DKK3: variants seen among roughly 807,000 people sequenced by gnomAD.
DKK3 encodes dickkopf Wnt signaling pathway inhibitor 3, also known as dickkopf-related protein 3.
Under a neutral mutation model 33.2 loss-of-function variants are expected in DKK3, and 22 were observed. That is an observed-to-expected ratio of 0.66 (90% confidence interval 0.47 to 0.95). The LOEUF is 0.95. Among genes scored for constraint, DKK3 ranks in the 40% least tolerant of loss-of-function variants. The pLI is 0.00. For missense variants in DKK3, 398 were observed against 458.4 expected (o/e 0.87, Z 1.20); for synonymous variants, 194 against 188.8 (o/e 1.03, Z -0.23).
chr11:11,979,229 G>T (rs965930214), intron 3 of DKK3, among the ~76,000 whole-genome samples: 1 of 152,206 alleles, frequency 6.6e-6, no homozygotes, highest in South Asian at 2.1e-4. Context: ...ATGGAGGCTG[G>T]GTGGGGAAGC....
chr11:12,009,501 A>C, upstream of DKK3: 1 of 930,558 alleles, frequency 1.1e-6, no homozygotes, highest in South Asian at 5.0e-5. Context: ...TGCCTCAGCG[A>C]CCAGCTCTAC....
chr11:11,977,033 A>G (rs1205051883), intron 3 of DKK3, among the ~76,000 whole-genome samples: 1 of 152,250 alleles, frequency 6.6e-6, no homozygotes, highest in East Asian at 1.9e-4. Context: ...CCCAGGCAGG[A>G]GCCAGGAGCC....
chr11:11,986,552 C>G (rs1268972585), intron 3 of DKK3, among the ~76,000 whole-genome samples: 2 of 152,092 alleles, frequency 1.3e-5, no homozygotes, highest in African/African-American at 4.8e-5. Context: ...CCATCTGAGG[C>G]CTTTGGAAGG....
chr11:12,008,935 C>G, upstream of DKK3: 1 of 1,036,092 alleles, frequency 9.7e-7, no homozygotes, highest in Non-Finnish European at 1.2e-6. The surrounding 1 kb of genome is among the most constrained non-coding windows in gnomAD (Gnocchi z 4.6). Context: ...GCTCCCAAGC[C>G]CCAGCTCACC....
intron 5 of DKK3, 113 bp from the exon 6 acceptor site, chr11:11,966,078 T>C (rs1847587394): frequency 7.7e-7 from 1 of 1,294,200 alleles, no homozygotes; most frequent in South Asian, 1.5e-5. Context: ...AACCCCAAAG[T>C]GCAGGCTAGT....
At chr11:12,009,368 GC>G, upstream of DKK3, 2 of 671,652 alleles carry the variant, frequency 3.0e-6, no homozygotes, top group Non-Finnish European at 3.4e-6. Flanking sequence ...CTCCCTCTCC[GC>G]CCCCGCCCCG....
chr11:11,984,612 C>T (rs901901255), intron 3 of DKK3, among the ~76,000 whole-genome samples: 1 of 151,284 alleles, frequency 6.6e-6, no homozygotes, highest in Non-Finnish European at 1.5e-5. Flanking sequence ...TAATCCATTG[C>T]CCTCTTTATA....
At chr11:12,008,903 AC>A, upstream of DKK3, 1 of 1,082,682 alleles carries the variant, frequency 9.2e-7, no homozygotes, top group East Asian at 6.0e-5. This position sits in a 1 kb window ranked among gnomAD's most constrained non-coding sequence, Gnocchi z 4.6. Context: ...GAGCAACCGA[AC>A]CCGGATCCTC....
At chr11:11,966,713 C>T (rs1353278286) in intron 5 of DKK3, among the ~76,000 whole-genome samples, 1 of 152,090 alleles carries the variant, frequency 6.6e-6, no homozygotes, top group Non-Finnish European at 1.5e-5. Flanking sequence ...CCATTCCAGA[C>T]TGGGCTTTTG....
chr11:11,973,442 C>T (rs965893413), intron 3 of DKK3, among the ~76,000 whole-genome samples: 2 of 152,184 alleles, frequency 1.3e-5, no homozygotes, highest in Non-Finnish European at 2.9e-5. Flanking sequence ...AGCCACTGAG[C>T]GTCTGGGCCC....
At chr11:11,988,208 T>A (rs1013073824) in intron 3 of DKK3, among the ~76,000 whole-genome samples, 1 of 152,142 alleles carries the variant, frequency 6.6e-6, no homozygotes, top group Non-Finnish European at 1.5e-5. Context: ...AGGTGAAAAA[T>A]GAAACTGACA....
At chr11:12,000,915 T>C (rs1848412894) in intron 2 of DKK3, among the ~76,000 whole-genome samples, 1 of 152,210 alleles carries the variant, frequency 6.6e-6, no homozygotes, top group Non-Finnish European at 1.5e-5. Context: ...ACAGTGGTTT[T>C]TGCATTGCAT....
rs147261526 is a variant in DKK3, at chr11:11,995,296, G to A, written c.435+3400C>T. 4.7e-3 allele frequency among the ~76,000 whole-genome samples: 722 copies of A among 152,092 alleles called. 3 individuals are homozygous for A. Among genetic ancestry groups the A allele is most frequent in the Non-Finnish European group, 7.8e-3 (528 of 67,984 alleles). On this transcript the variant is annotated intron_variant, in intron 3 of 6. Coordinates refer to ENST00000683431, the MANE Select transcript of DKK3 (RefSeq NM_001018057.2). ...AGAGGGGTCTCAATTTCTTACCCCGGTTGGTCTTGAACTCCTGTCTTCAAG... is the reference window on the plus strand; with the variant it reads ...AGAGGGGTCTCAATTTCTTACCCCGATTGGTCTTGAACTCCTGTCTTCAAG...
intron 3 of DKK3, among the ~76,000 whole-genome samples, chr11:11,971,126 C>A (rs928493513): frequency 6.6e-6 from 1 of 150,966 alleles, no homozygotes; most frequent in Non-Finnish European, 1.5e-5. Flanking sequence ...CTGGTGACTA[C>A]CCTCAGAAAC....
At chr11:11,983,112 C>T (rs565982851) in intron 3 of DKK3, among the ~76,000 whole-genome samples, 1 of 152,302 alleles carries the variant, frequency 6.6e-6, no homozygotes, top group African/African-American at 2.4e-5. Flanking sequence ...GACACTACCC[C>T]GTCCTTGGGG....
chr11:12,003,161 G>A (rs1848465926), intron 1 of DKK3, among the ~76,000 whole-genome samples: 1 of 152,142 alleles, frequency 6.6e-6, no homozygotes, highest in African/African-American at 2.4e-5. Context: ...TGTTTTCTGG[G>A]AGCACATCCC....
In DKK3 at chr11:12,006,772, C is replaced by T. The variant is rs952644014; in HGVS notation, c.213+1598G>A. 2.0e-5 allele frequency among the ~76,000 whole-genome samples: 3 copies of T among 152,194 alleles called. No individual in the cohort carries two copies. The South Asian group carries it at 6.2e-4, about 31-fold the overall frequency. Reference sequence around the variant, plus strand: ...TCTCTCCTCCCTCAGCAGAAGCTAACGTCAGAGGACCACGCTGCAGACTTT... The same window carrying T: ...TCTCTCCTCCCTCAGCAGAAGCTAATGTCAGAGGACCACGCTGCAGACTTT... On this transcript the variant is annotated intron_variant, in intron 1 of 6. Coordinates refer to ENST00000683431, the MANE Select transcript of DKK3 (RefSeq NM_001018057.2).
At chr11:11,989,710 A>G (rs1848148779) in intron 3 of DKK3, among the ~76,000 whole-genome samples, 1 of 152,174 alleles carries the variant, frequency 6.6e-6, no homozygotes, top group Non-Finnish European at 1.5e-5. Flanking sequence ...TGTTAAGATG[A>G]TATTTTATAT....
chr11:12,007,387 G>T (rs1400474812), intron 1 of DKK3, among the ~76,000 whole-genome samples: 3 of 152,126 alleles, frequency 2.0e-5, no homozygotes, highest in Admixed American at 6.5e-5. Flanking sequence ...GACAGATTGG[G>T]CCCAACAGCG....
Sources: gnomAD v4.1 joint callset for allele counts (sites outside exome capture counted in the v4.1 genomes callset) on GRCh38, gnomAD v4.1.1 for gene constraint, Gnocchi (gnomAD v3.1) non-coding constraint, MANE v1.5 for transcripts, NCBI Gene and HGNC (gene_info 2026-07-23, HGNC 2026-07-21) for gene names.